IL21R: variants seen among roughly 807,000 people sequenced by gnomAD.
The protein encoded by IL21R is interleukin-21 receptor.
In IL21R, 14 loss-of-function variants were observed where a neutral mutation model predicts 41.3. That is an observed-to-expected ratio of 0.34 (90% CI 0.22 to 0.53). IL21R has a LOEUF of 0.53. Ranked by LOEUF, IL21R falls within the 20% of genes least tolerant of loss-of-function variation. IL21R has a pLI of 0.94. For missense variants in IL21R, 588 were observed against 681.6 expected (o/e 0.86, Z 1.53); for synonymous variants, 286 against 287.6 (o/e 0.99, Z 0.05).
chr16:27,431,210 G>C (rs2087165748), intron 2 of IL21R, among the ~76,000 whole-genome samples: 1 of 152,212 alleles, frequency 6.6e-6, no homozygotes, highest in South Asian at 2.1e-4. Context: ...GCTCCTTCAG[G>C]AAACAGATGT....
intron 1 of IL21R, among the ~76,000 whole-genome samples, chr16:27,418,471 C>G (rs1295438583): frequency 2.0e-5 from 3 of 152,152 alleles, no homozygotes; most frequent in Admixed American, 6.5e-5. Context: ...CAGGTTCAGG[C>G]AATTCTCCTG....
intron 4 of IL21R, among the ~76,000 whole-genome samples, chr16:27,440,681 A>G (rs566236436): frequency 6.6e-6 from 1 of 152,290 alleles, no homozygotes; most frequent in African/African-American, 2.4e-5. Context: ...AGGAGCTAAG[A>G]GCCCAGTGAG....
rs529161686 is a variant in IL21R, at chr16:27,451,529, C to A, written c.*2246C>A. 2 of 208,642 alleles carry A rather than the reference C, an allele frequency of 9.6e-6. No homozygotes were observed. The highest frequency in any genetic ancestry group is 2.3e-5 in the African/African-American group (1 of 43,886). 12.9% of individuals were successfully genotyped at this position (208,642 alleles called of 1,614,324 possible). On this transcript the variant is annotated 3_prime_UTR_variant, in exon 9 of 9. Coordinates refer to ENST00000337929, the MANE Select transcript of IL21R (RefSeq NM_181078.3). ...TTCGAGACCAGCCTGGGCAACATAG[C>A]AAGGCCCCATCTCTACAAAAATTAT...
At position 27,421,901 on chromosome 16, in the gene IL21R, T is replaced by C. The variant is rs1013621384; in HGVS notation, c.-16-8155T>C. 5.9e-5 allele frequency among the ~76,000 whole-genome samples: 9 copies of C among 152,254 alleles called. No homozygotes were observed. The South Asian group carries it at 1.5e-3, about 25-fold the overall frequency. ...TGGCTAGAACCTCTAGTAAAATGTT[T>C]TATAAAAGTCACAAGAGTGAACATA... On this transcript the variant is annotated intron_variant, in intron 1 of 8. Coordinates refer to ENST00000337929, the MANE Select transcript of IL21R (RefSeq NM_181078.3).
chr16:27,448,894 C>A lies in IL21R; in HGVS notation c.1228C>A (p.Pro410Thr), dbSNP rs147984317. The change falls in exon 9 of 9, where the codon CCC becomes ACC. Residue 410 changes from proline to threonine, a missense_variant. Physicochemically the swap from Pro to Thr is conservative, Grantham distance 38. Coordinates refer to ENST00000337929, the MANE Select transcript of IL21R (RefSeq NM_181078.3). ...CCTGGACCTGGATGCTGGCCTGGAG[C>A]CCAGCCCAGGCCTAGAGGACCCACT... is the stretch of plus-strand genomic sequence containing the variant. ...PALDLDAGLE[P>T]SPGLEDPLLD... The A allele has an allele frequency of 3.1e-6, 5 of 1,611,818 alleles. No individual in the cohort carries two copies. Among genetic ancestry groups the A allele is most frequent in the Non-Finnish European group, 4.2e-6 (5 of 1,179,158 alleles).
intron 1 of IL21R, among the ~76,000 whole-genome samples, chr16:27,423,897 T>C (rs1043352553): frequency 6.6e-6 from 1 of 152,206 alleles, no homozygotes; most frequent in African/African-American, 2.4e-5. Context: ...TTTTATTAGG[T>C]CATGCCAAAC....
At chr16:27,432,533 AC>A (rs2087192789) in intron 2 of IL21R, among the ~76,000 whole-genome samples, 1 of 151,998 alleles carries the variant, frequency 6.6e-6, no homozygotes, top group African/African-American at 2.4e-5. Context: ...TTGGAGACAA[AC>A]CCTGTCCCTT....
rs1328358680 is a variant in IL21R at position 27,448,815 on chromosome 16, T to G, written c.1149T>G (p.Asp383Glu). ...LVSIDTVTVL[D>E]AEGPCTWPCS... ...CCATTGACACAGTGACTGTGCTAGA[T>G]GCAGAGGGGCCATGCACCTGGCCCT... is the stretch of plus-strand genomic sequence containing the variant. The change falls in exon 9 of 9, where the codon GAT becomes GAG. Residue 383 changes from aspartate to glutamate, a missense_variant. Coordinates refer to ENST00000337929, the MANE Select transcript of IL21R (RefSeq NM_181078.3). 1.2e-6 allele frequency: 2 copies of G among 1,613,438 alleles called. No individual in the cohort carries two copies. Among genetic ancestry groups the G allele is most frequent in the South Asian group, 2.2e-5 (2 of 91,086 alleles).
At chr16:27,441,444 T>C (rs1299821520) in intron 4 of IL21R, among the ~76,000 whole-genome samples, 1 of 152,244 alleles carries the variant, frequency 6.6e-6, no homozygotes, top group East Asian at 1.9e-4. Context: ...GCTCGGCTCT[T>C]GCACTTGCCA....
chr16:27,405,865 G>A (rs990326537), intron 1 of IL21R, among the ~76,000 whole-genome samples: 4 of 152,244 alleles, frequency 2.6e-5, no homozygotes, highest in East Asian at 3.8e-4. Context: ...GAGGGCCCCC[G>A]ACTGCCCAGG....
intron 4 of IL21R, among the ~76,000 whole-genome samples, chr16:27,440,890 A>C (rs2087376304): frequency 6.6e-6 from 1 of 151,942 alleles, no homozygotes; most frequent in Admixed American, 6.6e-5. Context: ...TTCTCTACTA[A>C]AAATACAAAA....
At chr16:27,418,303 T>G (rs770973575) in intron 1 of IL21R, among the ~76,000 whole-genome samples, 3 of 151,814 alleles carry the variant, frequency 2.0e-5, no homozygotes, top group Non-Finnish European at 4.4e-5. Flanking sequence ...CTCCTGACCT[T>G]GTGATCTGCC....
intron 4 of IL21R, among the ~76,000 whole-genome samples, chr16:27,438,605 C>T (rs963010228): frequency 9.9e-5 from 15 of 152,168 alleles, no homozygotes; most frequent in African/African-American, 3.1e-4. Context: ...CTGTGGCTCA[C>T]GCCTCTAATC....
At chr16:27,418,011 A>ATTTAT (rs1171442663) in intron 1 of IL21R, among the ~76,000 whole-genome samples, 20,623 of 96,972 alleles carry the variant, frequency 0.21, 1,701 homozygotes, top group Middle Eastern at 0.33. Flanking sequence ...TTCCTATTTT[A>ATTTAT]TTTATTTTAT....
At chr16:27,440,248 T>TATATATATATATATAGAGAGAGAGAG (rs1352160946) in intron 4 of IL21R, among the ~76,000 whole-genome samples, 4 of 64,042 alleles carry the variant, frequency 6.2e-5, no homozygotes, top group African/African-American at 1.8e-4. Context: ...TATATATATA[T>TATATATATATATATAGAGAGAGAGAG]AGAGAGAGAG....
At position 27,448,563 on chromosome 16, in the gene IL21R, C is replaced by T. The variant is rs1378223700; in HGVS notation, c.897C>T (p.Ser299=). ...KKWVGAPFTG[S]SLELGPWSPE... ...GGGTGGGTGCACCCTTCACTGGCTC[C>T]AGCCTGGAGCTGGGACCCTGGAGCC... The change falls in exon 9 of 9, where the codon TCC becomes TCT. Residue 299 remains serine, a synonymous_variant. Transcript: ENST00000337929. 6.2e-7 allele frequency: 1 copy of T among 1,609,598 alleles called. No homozygotes were observed. Among genetic ancestry groups the T allele is most frequent in the South Asian group, 1.1e-5 (1 of 90,678 alleles).
At chr16:27,447,481 T>A (rs2087502633) in intron 8 of IL21R, among the ~76,000 whole-genome samples, 1 of 152,138 alleles carries the variant, frequency 6.6e-6, no homozygotes, top group Non-Finnish European at 1.5e-5. Flanking sequence ...TACCCATTCC[T>A]GGGGATTTTC....
intron 1 of IL21R, among the ~76,000 whole-genome samples, chr16:27,413,816 T>G (rs1248822304): frequency 6.6e-6 from 1 of 151,980 alleles, no homozygotes; most frequent in Non-Finnish European, 1.5e-5. Context: ...TGATTTTAGT[T>G]AATTTGAGTC....
chr16:27,444,596 C>T lies in IL21R; in HGVS notation c.562C>T (p.Leu188=), dbSNP rs1005135480. The T allele has an allele frequency of 1.3e-6, 2 of 1,579,102 alleles. No individual in the cohort carries two copies. Among genetic ancestry groups the T allele is most frequent in the African/African-American group, 2.7e-5 (2 of 73,044 alleles). The change falls in exon 6 of 9, where the codon CTG becomes TTG. Residue 188 remains leucine, a synonymous_variant. Transcript: ENST00000337929. The stretch of plus-strand genomic sequence containing the variant: ...CTCAAGAAGTGTCTCCCTCCTCCCC[C>T]TGGAGTTCCGCAAAGACTCGAGCTA... ...VDSRSVSLLP[L]EFRKDSSYEL...
Sources: gnomAD v4.1 joint callset for allele counts (sites outside exome capture counted in the v4.1 genomes callset) on GRCh38, gnomAD v4.1.1 for gene constraint, MANE v1.5 for transcripts, NCBI Gene and HGNC (gene_info 2026-07-23, HGNC 2026-07-21) for gene names.